The following PVT1 variants were observed in gnomAD, a reference collection of about 807,000 sequenced individuals.
PVT1 encodes CXCR4/PVT1 fusion.
At chr8:127,897,642 AAAGAAAGACAGGAAGGAAGG>A (rs1242000361) in intron 3 of PVT1, among the ~76,000 whole-genome samples, 5 of 151,148 alleles carry the variant, frequency 3.3e-5, no homozygotes, top group Admixed American at 6.6e-5. Context: ...ACAGACAAAG[AAAGAAAGACAGGAAGGAAGG>A]AAGAAAGGAA....
chr8:128,042,003 C>T (rs1813551202), intron 4 of PVT1, among the ~76,000 whole-genome samples: 2 of 152,184 alleles, frequency 1.3e-5, no homozygotes, highest in African/African-American at 4.8e-5. Flanking sequence ...ATCTTCCTTC[C>T]ATGCCATTTT....
intron 2 of PVT1, among the ~76,000 whole-genome samples, chr8:127,823,818 C>CCATTGCTTCACTG (rs1814758541): frequency 6.6e-6 from 1 of 152,236 alleles, no homozygotes; most frequent in South Asian, 2.1e-4. Flanking sequence ...GCCTTCACTG[C>CCATTGCTTCACTG]CCGTCGAAGC....
intron 2 of PVT1, among the ~76,000 whole-genome samples, chr8:127,850,085 T>G (rs1815091668): frequency 6.6e-6 from 1 of 152,100 alleles, no homozygotes; most frequent in Admixed American, 6.5e-5. Flanking sequence ...TATGCATGGG[T>G]ACACAGCCTG....
At chr8:128,042,963 C>T (rs560830650) in intron 4 of PVT1, among the ~76,000 whole-genome samples, 1 of 151,870 alleles carries the variant, frequency 6.6e-6, no homozygotes, top group Admixed American at 6.6e-5. Flanking sequence ...AGGGTTTCAC[C>T]ATGTTGGCCA....
In PVT1 at chr8:128,046,029, G is replaced by A. The variant is rs574799440; in HGVS notation, n.913-24131G>A. 9.2e-5 allele frequency among the ~76,000 whole-genome samples: 14 copies of A among 152,234 alleles called. No homozygotes were observed. The South Asian group carries it at 2.9e-3, about 32-fold the overall frequency. On this transcript the variant is annotated intron_variant and non_coding_transcript_variant, in intron 4 of 10. Coordinates refer to ENST00000651587, the Ensembl canonical transcript of PVT1. ...CAGTCTTAGAGCATCCCTGTTATAG[G>A]GATTCTGGGGACTAACAAGAAGCTA... is the stretch of plus-strand genomic sequence containing the variant.
intron 3 of PVT1, among the ~76,000 whole-genome samples, chr8:127,963,576 C>T (rs1158653289): frequency 6.6e-6 from 1 of 152,140 alleles, no homozygotes; most frequent in Non-Finnish European, 1.5e-5. Flanking sequence ...CCCCCACCCC[C>T]CTCCACCCTT....
chr8:127,981,727 G>T (rs1361307156), intron 3 of PVT1, among the ~76,000 whole-genome samples: 2 of 152,206 alleles, frequency 1.3e-5, no homozygotes, highest in South Asian at 2.1e-4. Context: ...TCCTGGTAAG[G>T]TTGAACTTCC....
intron 2 of PVT1, among the ~76,000 whole-genome samples, chr8:127,857,208 G>A (rs6992906): frequency 2.0e-5 from 3 of 152,162 alleles, no homozygotes; most frequent in East Asian, 1.9e-4. Flanking sequence ...CCTGGGATAC[G>A]GAGCAGGACT....
intron 2 of PVT1, among the ~76,000 whole-genome samples, chr8:127,816,080 C>T (rs943444695): frequency 3.3e-5 from 5 of 152,080 alleles, no homozygotes; most frequent in African/African-American, 7.3e-5. Context: ...GCTGAGATCA[C>T]GCCACTGCAC....
rs185075114 is a variant in PVT1, at chr8:127,812,764, A to G, written n.372+16693A>G. Among the ~76,000 whole-genome samples the G allele has an allele frequency of 4.9e-4, 74 of 152,152 alleles. 1 individual carries two copies. The highest frequency in any genetic ancestry group is 4.2e-3 in the Admixed American group (64 of 15,270). ...ACCGGTCGGCTATCTTGACGAAAAA[A>G]GTCTCAGTCCACTCCATTTTGTGCA... On this transcript the variant is annotated intron_variant and non_coding_transcript_variant, in intron 2 of 10. Transcript: ENST00000651587.
intron 3 of PVT1, among the ~76,000 whole-genome samples, chr8:127,986,996 A>G (rs902487644): frequency 6.6e-6 from 1 of 152,028 alleles, no homozygotes; most frequent in Non-Finnish European, 1.5e-5. Context: ...TCAGCCCTGT[A>G]TTTGTGGATT....
intron 4 of PVT1, among the ~76,000 whole-genome samples, chr8:128,011,772 A>G (rs1817317227): frequency 6.6e-6 from 1 of 152,190 alleles, no homozygotes; most frequent in Admixed American, 6.5e-5. Context: ...GAGGTCAAAT[A>G]TACTTCTTGT....
chr8:127,953,036 T>G (rs1816526313), intron 3 of PVT1, among the ~76,000 whole-genome samples: 1 of 152,180 alleles, frequency 6.6e-6, no homozygotes, highest in Non-Finnish European at 1.5e-5. Flanking sequence ...AGTGCTGGGA[T>G]TACAGGCGTG....
chr8:127,836,776 C>T (rs1351087757), intron 2 of PVT1, among the ~76,000 whole-genome samples: 2 of 152,096 alleles, frequency 1.3e-5, no homozygotes, highest in Non-Finnish European at 2.9e-5. Context: ...GAAACTTGGC[C>T]CACAGTCAGC....
chr8:127,837,349 C>A (rs956263328), intron 2 of PVT1, among the ~76,000 whole-genome samples: 9 of 151,672 alleles, frequency 5.9e-5, no homozygotes, highest in Admixed American at 5.2e-4. Context: ...GGGTGGGCCT[C>A]AGCTGCTGCC....
chr8:128,014,263 T>G (rs9694505), intron 4 of PVT1, among the ~76,000 whole-genome samples: 99,752 of 151,902 alleles, frequency 0.66, 33,280 homozygotes, highest in African/African-American at 0.77. Context: ...CTTTTCTCTG[T>G]GGATTTATCC....
chr8:127,957,146 G>A (rs1816579412), intron 3 of PVT1, among the ~76,000 whole-genome samples: 1 of 152,132 alleles, frequency 6.6e-6, no homozygotes, highest in African/African-American at 2.4e-5. Flanking sequence ...GAGATGCCAA[G>A]TCACTTGCCC....
intron 2 of PVT1, among the ~76,000 whole-genome samples, chr8:127,817,489 G>GTATATATA (rs1490929524): frequency 8.1e-6 from 1 of 124,022 alleles, no homozygotes; most frequent in African/African-American, 3.4e-5. Flanking sequence ...GTGTGTGTGT[G>GTATATATA]TGTATATACA....
At chr8:127,877,255 G>T (rs78778568) in intron 2 of PVT1, among the ~76,000 whole-genome samples, 1,737 of 152,284 alleles carry the variant, frequency 0.011, 38 homozygotes, top group African/African-American at 0.039. Flanking sequence ...TGGGTTCAAG[G>T]CCACCCTCTT....
Sources: allele counts gnomAD v4.1 joint callset (sites outside exome capture counted in the v4.1 genomes callset), GRCh38; gene constraint gnomAD v4.1.1; transcripts MANE v1.5; gene names NCBI Gene and HGNC (gene_info 2026-07-23, HGNC 2026-07-21).